Variants in CNTN1 observed in about 807,000 individuals in gnomAD.
The protein encoded by CNTN1 is contactin 1.
CNTN1 carries 38 observed loss-of-function variants against 126.4 expected under a neutral mutation model. The ratio of observed to expected loss-of-function variants is 0.30; its 90% CI spans 0.23 to 0.39. The LOEUF (loss-of-function observed/expected upper bound fraction) is 0.39, where lower values mean the gene tolerates loss of function less well. Among genes scored for constraint, CNTN1 ranks in the 10% least tolerant of loss-of-function variants. The pLI is 1.00. For synonymous variants in CNTN1, 413 were observed against 422.6 expected (o/e 0.98, Z 0.28); for missense variants, 1,009 against 1,248.4 (o/e 0.81, Z 2.89).
chr12:40,819,312 C>G (rs144930856), intron 1 of CNTN1, among the ~76,000 whole-genome samples: 1 of 152,300 alleles, frequency 6.6e-6, no homozygotes, highest in African/African-American at 2.4e-5. Context: ...TCCCCAGAGA[C>G]TGCGGCCACC....
At chr12:40,948,629 C>T (rs1350125080) in intron 14 of CNTN1, among the ~76,000 whole-genome samples, 1 of 152,122 alleles carries the variant, frequency 6.6e-6, no homozygotes, top group Admixed American at 6.5e-5. Flanking sequence ...TACCAGGTGG[C>T]CTGACTGCCA....
chr12:40,889,519 G>T (rs1034013403), intron 1 of CNTN1, among the ~76,000 whole-genome samples: 4 of 152,122 alleles, frequency 2.6e-5, no homozygotes, highest in African/African-American at 9.7e-5. Context: ...TTTAAAAACT[G>T]TTTACTAAGC....
At chr12:40,855,716 T>C (rs1229278287) in intron 1 of CNTN1, among the ~76,000 whole-genome samples, 1 of 152,128 alleles carries the variant, frequency 6.6e-6, no homozygotes, top group African/African-American at 2.4e-5. Context: ...TACAACTTTA[T>C]TGGCAATGTA....
intron 23 of CNTN1, among the ~76,000 whole-genome samples, chr12:41,068,168 C>A (rs1340521708): frequency 1.3e-5 from 2 of 152,020 alleles, no homozygotes; most frequent in African/African-American, 4.8e-5. Flanking sequence ...CCTTCTCTGC[C>A]CTCTAGTGAC....
intron 19 of CNTN1, among the ~76,000 whole-genome samples, chr12:41,019,060 G>T (rs771159617): frequency 6.6e-6 from 1 of 152,164 alleles, no homozygotes; most frequent in Non-Finnish European, 1.5e-5. Context: ...GGAGGCTGAG[G>T]CAGGAGAATC....
rs557132209 is a variant in CNTN1 at position 40,810,746 on chromosome 12, G to C, written c.-76-97611G>C. 7.2e-5 allele frequency among the ~76,000 whole-genome samples: 11 copies of C among 152,266 alleles called. 1 individual carries two copies. The highest frequency in any genetic ancestry group is 2.6e-4 in the African/African-American group (11 of 41,556). On this transcript the variant is annotated intron_variant, in intron 1 of 23. Coordinates refer to ENST00000551295, the MANE Select transcript of CNTN1 (RefSeq NM_001843.4). Reference sequence around the variant, plus strand: ...TCCTTTTAAAAATTGAGCTGGAATAGTGGCTCATGCCTATAATTTCAGACC... The same window carrying C: ...TCCTTTTAAAAATTGAGCTGGAATACTGGCTCATGCCTATAATTTCAGACC...
intron 1 of CNTN1, among the ~76,000 whole-genome samples, chr12:40,830,950 TATATATATATATACACAC>T (rs1941806930): frequency 8.1e-6 from 1 of 123,084 alleles, no homozygotes; most frequent in East Asian, 2.3e-4. Context: ...TATATATATA[TATATATATATATACACAC>T]ACACACACAC....
At chr12:41,059,350 C>T (rs935609342) in intron 23 of CNTN1, among the ~76,000 whole-genome samples, 1 of 152,190 alleles carries the variant, frequency 6.6e-6, no homozygotes, top group African/African-American at 2.4e-5. Flanking sequence ...TCTGTCTCTG[C>T]ATCACCATTT....
chr12:40,984,302 C>T (rs991396259), intron 16 of CNTN1, among the ~76,000 whole-genome samples: 1 of 152,032 alleles, frequency 6.6e-6, no homozygotes, highest in Non-Finnish European at 1.5e-5. Flanking sequence ...ATTTGAATTT[C>T]ATCTGTCTAA....
At chr12:40,814,871 G>C (rs542295611) in intron 1 of CNTN1, among the ~76,000 whole-genome samples, 1 of 151,826 alleles carries the variant, frequency 6.6e-6, no homozygotes, top group Admixed American at 6.6e-5. Context: ...CTTTTATTTC[G>C]TTGAGCAGCA....
At chr12:40,900,729 G>A (rs534344899) in intron 1 of CNTN1, among the ~76,000 whole-genome samples, 12 of 152,256 alleles carry the variant, frequency 7.9e-5, no homozygotes, top group African/African-American at 2.9e-4. Flanking sequence ...ATGTATTTAC[G>A]AGATTCCACT....
intron 1 of CNTN1, among the ~76,000 whole-genome samples, chr12:40,818,477 T>C (rs1425027667): frequency 6.6e-6 from 1 of 152,202 alleles, no homozygotes; most frequent in African/African-American, 2.4e-5. Flanking sequence ...TTTACTTGTG[T>C]ATGCATCACG....
intron 1 of CNTN1, among the ~76,000 whole-genome samples, chr12:40,715,619 C>G (rs1279948113): frequency 6.6e-6 from 1 of 152,084 alleles, no homozygotes; most frequent in Non-Finnish European, 1.5e-5. Context: ...GTTAGGGTCT[C>G]AAGTTTTTAT....
intron 1 of CNTN1, among the ~76,000 whole-genome samples, chr12:40,738,770 C>A (rs1937807789): frequency 6.6e-6 from 1 of 151,920 alleles, no homozygotes; most frequent in Non-Finnish European, 1.5e-5. Context: ...CAAAATAAAA[C>A]TACAGAGATT....
intron 1 of CNTN1, among the ~76,000 whole-genome samples, chr12:40,852,871 A>T (rs755521722): frequency 1.3e-3 from 193 of 149,564 alleles, no homozygotes; most frequent in Admixed American, 2.2e-3. Flanking sequence ...TTTTTCAAGA[A>T]ATAATCCTTA....
chr12:41,068,587 G>A (rs1034874001), intron 23 of CNTN1, among the ~76,000 whole-genome samples: 1 of 151,992 alleles, frequency 6.6e-6, no homozygotes, highest in Non-Finnish European at 1.5e-5. Flanking sequence ...CCACCTTATA[G>A]GGAACATGAA....
rs1352320035 is a variant in CNTN1 at position 41,070,832 on chromosome 12, G to A, written c.*797G>A. 1.3e-5 allele frequency: 2 copies of A among 151,830 alleles called. No individual in the cohort carries two copies. The highest frequency in any genetic ancestry group is 2.9e-5 in the Non-Finnish European group (2 of 67,974). The allele number at this position is 151,830 out of a possible 1,614,324, so 9.4% of individuals were successfully genotyped here. On this transcript the variant is annotated 3_prime_UTR_variant, in exon 24 of 24. Coordinates refer to ENST00000551295, the MANE Select transcript of CNTN1 (RefSeq NM_001843.4). Reference sequence around the variant, plus strand: ...TCAAAAATCACAGCTCTTATCTAGAGTATCATAATATTGCTATATTTGTTC... The same window carrying A: ...TCAAAAATCACAGCTCTTATCTAGAATATCATAATATTGCTATATTTGTTC...
intron 1 of CNTN1, among the ~76,000 whole-genome samples, chr12:40,711,444 G>C (rs964852946): frequency 6.6e-6 from 1 of 151,912 alleles, no homozygotes; most frequent in Non-Finnish European, 1.5e-5. Flanking sequence ...CACATTTTTA[G>C]GGACCTCACT....
intron 20 of CNTN1, among the ~76,000 whole-genome samples, chr12:41,023,634 G>C (rs1361901184): frequency 6.6e-6 from 1 of 152,126 alleles, no homozygotes; most frequent in Non-Finnish European, 1.5e-5. Context: ...AAAAACTTTA[G>C]CACCTAAATT....
Sources: gnomAD v4.1 joint callset for allele counts (sites outside exome capture counted in the v4.1 genomes callset) on GRCh38, gnomAD v4.1.1 for gene constraint, MANE v1.5 for transcripts, NCBI Gene and HGNC (gene_info 2026-07-23, HGNC 2026-07-21) for gene names.